The following CTNNA2 variants were observed in gnomAD, a reference collection of about 807,000 sequenced individuals.
CTNNA2 encodes the protein catenin alpha 2.
Under a neutral mutation model 101.0 loss-of-function variants are expected in CTNNA2, and 42 were observed. That is an observed-to-expected ratio of 0.42 (90% CI 0.32 to 0.54). The LOEUF is 0.54. CTNNA2 is among the 20% of genes least tolerant of loss of function. The pLI is 0.14. For synonymous variants in CTNNA2, 450 were observed against 456.4 expected, an observed-to-expected ratio of 0.99 and a Z score of 0.18; for missense variants, 871 against 1,223.1, an observed-to-expected ratio of 0.71 and a Z score of 4.29.
intron 7 of CTNNA2, among the ~76,000 whole-genome samples, chr2:80,356,875 CT>C (rs1301878624): frequency 3.9e-5 from 6 of 152,138 alleles, no homozygotes; most frequent in Non-Finnish European, 7.4e-5. Flanking sequence ...ATCAAAATAC[CT>C]TTTGGTATCA....
intron 2 of CTNNA2, among the ~76,000 whole-genome samples, chr2:79,247,515 T>C (rs971194866): frequency 2.0e-5 from 3 of 152,140 alleles, no homozygotes; most frequent in African/African-American, 4.8e-5. Context: ...CAGGTCTGTG[T>C]CCTGATTATT....
rs559504526 is a variant in CTNNA2, at chr2:79,387,839, T to C, written c.-135+13826T>C. On this transcript the variant is annotated intron_variant, in intron 4 of 21. Transcript: ENST00000466387. ...AAGAGCTGGACTGGTAAAATAACCA[T>C]TGAGAACTGAAAGATGATTACAAAT... 4.4e-4 allele frequency among the ~76,000 whole-genome samples: 67 copies of C among 152,204 alleles called. 1 individual carries two copies. The highest frequency in any genetic ancestry group is 1.3e-3 in the African/African-American group (55 of 41,540).
intron 2 of CTNNA2, among the ~76,000 whole-genome samples, chr2:79,216,503 G>A (rs543302623): frequency 8.9e-4 from 135 of 151,978 alleles, no homozygotes; most frequent in African/African-American, 2.9e-3. Context: ...TAAGGGATCG[G>A]GGCACAGAGA....
intron 2 of CTNNA2, among the ~76,000 whole-genome samples, chr2:79,739,517 T>C (rs1312313965): frequency 6.6e-6 from 1 of 152,232 alleles, no homozygotes; most frequent in Admixed American, 6.5e-5. Context: ...AGAAAACAGC[T>C]TATGATGAAT....
At chr2:80,276,111 A>G (rs986094667) in intron 7 of CTNNA2, among the ~76,000 whole-genome samples, 1 of 152,210 alleles carries the variant, frequency 6.6e-6, no homozygotes, top group African/African-American at 2.4e-5. Flanking sequence ...TTTTTCTGAT[A>G]CAGGAAGAGA....
chr2:80,186,492 G>A (rs1164103326), intron 7 of CTNNA2, among the ~76,000 whole-genome samples: 1 of 152,158 alleles, frequency 6.6e-6, no homozygotes, highest in Non-Finnish European at 1.5e-5. Context: ...GGTGTTTGGT[G>A]GATTGAGTAG....
At chr2:80,392,779 C>A (rs887112684) in intron 7 of CTNNA2, among the ~76,000 whole-genome samples, 1 of 152,034 alleles carries the variant, frequency 6.6e-6, no homozygotes, top group African/African-American at 2.4e-5. Context: ...TATAAAATTC[C>A]GAATTCTGGT....
chr2:79,909,585 T>G lies in CTNNA2; in HGVS notation c.853-9T>G, dbSNP rs1305052171. The G allele has an allele frequency of 6.3e-7, 1 of 1,594,046 alleles. No individual in the cohort carries two copies. Among genetic ancestry groups the G allele is most frequent in the South Asian group, 1.1e-5 (1 of 89,914 alleles). ...CTGATTTTTGTGTGTGTGTGTGTGA[T>G]ACTTTCAGAATAAGATTATCCTGGA... On this transcript the variant is annotated splice_polypyrimidine_tract_variant and intron_variant, in intron 6 of 18. Coordinates refer to ENST00000402739, the MANE Select transcript of CTNNA2 (RefSeq NM_001282597.3).
chr2:80,080,837 T>A (rs1699086182), intron 7 of CTNNA2, among the ~76,000 whole-genome samples: 1 of 150,710 alleles, frequency 6.6e-6, no homozygotes, highest in Non-Finnish European at 1.5e-5. Flanking sequence ...TAGTCTCTAG[T>A]ATATATCAAG....
rs185990928 is a variant in CTNNA2, at chr2:80,623,412, G to C, written c.2574+4184G>C. On this transcript the variant is annotated intron_variant, in intron 18 of 18. Transcript: ENST00000402739. ...CTGAATAGGAGTTTTCCAGGTGGAA[G>C]GAGAGGGAGGAATATCTCAGAAAAG... Among the ~76,000 whole-genome samples, 4 of 152,012 alleles carry C rather than the reference G, an allele frequency of 2.6e-5. No homozygotes were observed. In the East Asian group the frequency reaches 7.8e-4, roughly 30 times the overall value.
chr2:80,047,568 G>C (rs1218535624), intron 7 of CTNNA2, among the ~76,000 whole-genome samples: 2 of 152,152 alleles, frequency 1.3e-5, no homozygotes, highest in African/African-American at 4.8e-5. Context: ...ATATTCTCCA[G>C]TGTATGCAGG....
chr2:79,772,550 C>T (rs1261862203), intron 3 of CTNNA2, among the ~76,000 whole-genome samples: 1 of 152,136 alleles, frequency 6.6e-6, no homozygotes, highest in Non-Finnish European at 1.5e-5. Flanking sequence ...GACTCTCTGC[C>T]TTGCCTTTGA....
At chr2:79,948,928 A>T (rs1688690111) in intron 7 of CTNNA2, among the ~76,000 whole-genome samples, 1 of 152,170 alleles carries the variant, frequency 6.6e-6, no homozygotes. Context: ...AGATTGTGCC[A>T]CTGCACTCCA....
At chr2:79,727,573 T>C (rs965094144) in intron 2 of CTNNA2, among the ~76,000 whole-genome samples, 1 of 152,084 alleles carries the variant, frequency 6.6e-6, no homozygotes, top group African/African-American at 2.4e-5. Flanking sequence ...TTTTTTATTT[T>C]ATTTTATTTT....
chr2:80,619,004 C>T, intron 17 of CTNNA2, 81 bp from the exon 18 acceptor site: 2 of 969,320 alleles, frequency 2.1e-6, no homozygotes, highest in Non-Finnish European at 2.9e-6. Context: ...ACTCCCTAAT[C>T]CCTTCCCAAG....
At chr2:79,188,306 C>A (rs1396762764) in intron 1 of CTNNA2, among the ~76,000 whole-genome samples, 1 of 142,134 alleles carries the variant, frequency 7.0e-6, no homozygotes, top group Non-Finnish European at 1.5e-5. Context: ...TATAGAAAAT[C>A]TTTTTCCTAA....
chr2:80,586,894 G>T (rs1696021972), intron 14 of CTNNA2, among the ~76,000 whole-genome samples: 1 of 152,168 alleles, frequency 6.6e-6, no homozygotes, highest in African/African-American at 2.4e-5. Context: ...GCAGCCACGG[G>T]TTCAAGGATA....
At chr2:79,692,542 A>G (rs184315680) in intron 2 of CTNNA2, among the ~76,000 whole-genome samples, 53 of 152,210 alleles carry the variant, frequency 3.5e-4, no homozygotes, top group Non-Finnish European at 7.5e-4. Flanking sequence ...ACAAAGGATT[A>G]TAAATCATGC....
intron 4 of CTNNA2, among the ~76,000 whole-genome samples, chr2:79,497,192 C>T (rs1671265493): frequency 6.6e-6 from 1 of 152,228 alleles, no homozygotes. Context: ...TAAGGAGCAG[C>T]AGGTTCTTTA....
Sources: gnomAD v4.1 joint callset for allele counts (sites outside exome capture counted in the v4.1 genomes callset) on GRCh38, gnomAD v4.1.1 for gene constraint, MANE v1.5 for transcripts, NCBI Gene and HGNC (gene_info 2026-07-23, HGNC 2026-07-21) for gene names.